The following IGSF10 variants were observed in gnomAD, a reference collection of about 807,000 sequenced individuals.
IGSF10 encodes the protein calvaria mechanical force protein 608.
In IGSF10, 126 loss-of-function variants were observed where a neutral mutation model predicts 128.2. The ratio of observed to expected loss-of-function variants is 0.98; its 90% CI spans 0.85 to 1.14. IGSF10 has a LOEUF of 1.14. Among genes scored for constraint, IGSF10 ranks in the 50% most tolerant of loss-of-function variants. The pLI is 0.00. For missense variants in IGSF10, 3,295 were observed against 3,149.8 expected (o/e 1.05, Z -1.10); for synonymous variants, 1,185 against 1,146.2 (o/e 1.03, Z -0.68).
the IGSF10 span, among the ~76,000 whole-genome samples, chr3:151,604,387 C>A: frequency 6.6e-6 from 1 of 151,764 alleles, no homozygotes. Flanking sequence ...GTGATTCATT[C>A]AATATATTTA....
the IGSF10 span, among the ~76,000 whole-genome samples, chr3:151,471,170 C>T: frequency 2.6e-5 from 4 of 152,192 alleles, no homozygotes; most frequent in Non-Finnish European, 5.9e-5. Flanking sequence ...TTCTCCTGCA[C>T]ATGCTCTCGT....
At chr3:151,458,472 G>A (rs760981186) in intron 3 of IGSF10, 44 bp downstream of exon 3, 22 of 1,447,722 alleles carry the variant, frequency 1.5e-5, no homozygotes, top group Middle Eastern at 1.8e-4. Context: ...TCACTGCTGC[G>A]ACTGATCCCT....
chr3:151,444,590 C>T (rs140346055), intron 6 of IGSF10, among the ~76,000 whole-genome samples: 435 of 152,276 alleles, frequency 2.9e-3, no homozygotes, highest in South Asian at 9.3e-3. Context: ...GGATTACAGA[C>T]GTGAGCCACT....
chr3:151,484,039 T>C, the IGSF10 span, among the ~76,000 whole-genome samples: 1 of 152,194 alleles, frequency 6.6e-6, no homozygotes, highest in Non-Finnish European at 1.5e-5. Context: ...CCAAGCAAGC[T>C]AACATCCACT....
chr3:151,616,851 A>C, the IGSF10 span, among the ~76,000 whole-genome samples: 1 of 152,268 alleles, frequency 6.6e-6, no homozygotes, highest in Non-Finnish European at 1.5e-5. Flanking sequence ...GAAAAAAAAT[A>C]TTTTTTACAA....
the IGSF10 span, among the ~76,000 whole-genome samples, chr3:151,532,990 C>T: frequency 6.6e-6 from 1 of 152,120 alleles, no homozygotes; most frequent in African/African-American, 2.4e-5. Context: ...AATCAATGTG[C>T]AAAAATCATA....
the IGSF10 span, among the ~76,000 whole-genome samples, chr3:151,501,456 C>CA: frequency 0.82 from 125,032 of 151,826 alleles, 51,568 homozygotes; most frequent in Middle Eastern, 0.93. Flanking sequence ...GCTTGGTATG[C>CA]GAAGGCATTT....
chr3:151,434,009 T>C (rs1361225159), downstream of IGSF10: 1 of 152,674 alleles, frequency 6.5e-6, no homozygotes, highest in Non-Finnish European at 1.5e-5. Flanking sequence ...ATTATCAGTT[T>C]GTGTAACTTA....
the IGSF10 span, among the ~76,000 whole-genome samples, chr3:151,592,541 C>A: frequency 1.3e-5 from 2 of 152,032 alleles, no homozygotes; most frequent in African/African-American, 4.8e-5. Context: ...GTCAAGGGAC[C>A]CTGAGTTGGG....
chr3:151,472,732 T>C, the IGSF10 span, among the ~76,000 whole-genome samples: 1 of 152,218 alleles, frequency 6.6e-6, no homozygotes, highest in Admixed American at 6.5e-5. Flanking sequence ...TAATGCATTA[T>C]GCCAAAGTAT....
chr3:151,528,685 T>C, the IGSF10 span, among the ~76,000 whole-genome samples: 1 of 152,298 alleles, frequency 6.6e-6, no homozygotes, highest in East Asian at 1.9e-4. Context: ...GCTTTTCCCA[T>C]GGTCTTTGCA....
chr3:151,547,020 C>G, the IGSF10 span, among the ~76,000 whole-genome samples: 117 of 152,142 alleles, frequency 7.7e-4, no homozygotes, highest in Non-Finnish European at 1.3e-3. Flanking sequence ...ATCCACCCCC[C>G]CCTTGGCCTC....
At chr3:151,484,846 G>GA in the IGSF10 span, among the ~76,000 whole-genome samples, 82 of 152,040 alleles carry the variant, frequency 5.4e-4, no homozygotes, top group African/African-American at 1.8e-3. Context: ...AAGATAGGGA[G>GA]AAAACAGCTC....
At position 151,448,756 on chromosome 3, in the gene IGSF10, G is replaced by A; in HGVS notation, c.1225C>T (p.Pro409Ser). 6.2e-7 allele frequency: 1 copy of A among 1,613,656 alleles called. No homozygotes were observed. The highest frequency in any genetic ancestry group is 1.1e-5 in the South Asian group (1 of 91,084). ...TTGGTAAAAATGTCTTCAGGCTTAGGAGCCACCTGTTTATATTTGTAATAG... is the reference window on the plus strand; with the variant it reads ...TTGGTAAAAATGTCTTCAGGCTTAGAAGCCACCTGTTTATATTTGTAATAG... The part of the protein sequence containing the change: ...QLYYKYKQVA[P>S]KPEDIFTNIE... The change falls in exon 6 of 8, where the codon CCT becomes TCT. Residue 409 changes from proline (P) to serine (S), a missense_variant. Transcript: ENST00000282466.
intron 7 of IGSF10, among the ~76,000 whole-genome samples, chr3:151,442,487 C>G (rs1047499066): frequency 6.8e-6 from 1 of 147,480 alleles, no homozygotes; most frequent in East Asian, 2.0e-4. Context: ...TCAAGCAATT[C>G]TCCTGCCTCA....
the IGSF10 span, among the ~76,000 whole-genome samples, chr3:151,585,985 T>TGC: frequency 1.7e-4 from 25 of 151,236 alleles, no homozygotes; most frequent in Non-Finnish European, 3.0e-4. Context: ...ATTAACCATT[T>TGC]TTTTTTTTTT....
rs1157059643 is a variant in IGSF10, at chr3:151,445,119, A to G, written c.4862T>C (p.Phe1621Ser). Residue 1621 changes from phenylalanine (F) to serine (S), a missense_variant, in exon 6 of 8, where the codon TTT becomes TCT. Phe to Ser is a radical substitution (Grantham distance 155). Coordinates refer to ENST00000282466, the MANE Select transcript of IGSF10 (RefSeq NM_178822.5). ...DGQKNTKKSD[F>S]DKKPVQEATT... Reference sequence around the variant, plus strand: ...TGCTTCTTGAACTGGTTTCTTATCAAAGTCACTCTTCTTTGTGTTCTTCTG... The same window carrying G: ...TGCTTCTTGAACTGGTTTCTTATCAGAGTCACTCTTCTTTGTGTTCTTCTG... 1.1e-5 allele frequency: 17 copies of G among 1,614,012 alleles called. No individual in the cohort carries two copies. Among genetic ancestry groups the G allele is most frequent in the Non-Finnish European group, 1.4e-5 (16 of 1,180,018 alleles).
At chr3:151,473,922 T>G in the IGSF10 span, among the ~76,000 whole-genome samples, 1 of 151,998 alleles carries the variant, frequency 6.6e-6, no homozygotes, top group Admixed American at 6.6e-5. Flanking sequence ...AGCACTAGCT[T>G]TGAAAAAGAT....
chr3:151,548,437 A>G, the IGSF10 span, among the ~76,000 whole-genome samples: 1 of 152,220 alleles, frequency 6.6e-6, no homozygotes, highest in African/African-American at 2.4e-5. Context: ...AGCCATTCCT[A>G]CTGCGCTCTG....
Sources: allele counts gnomAD v4.1 joint callset (sites outside exome capture counted in the v4.1 genomes callset), GRCh38; gene constraint gnomAD v4.1.1; transcripts MANE v1.5; gene names NCBI Gene and HGNC (gene_info 2026-07-23, HGNC 2026-07-21).